Variants in TMEM178B observed in about 807,000 individuals in gnomAD.
TMEM178B encodes transmembrane protein 178B.
A neutral mutation model predicts 31.0 loss-of-function variants in TMEM178B; 5 were observed. The observed-to-expected ratio is 0.16, with a 90% confidence interval of 0.08 to 0.34. The LOEUF is 0.34. Ranked by LOEUF, TMEM178B falls within the 10% of genes least tolerant of loss-of-function variation. The pLI, the probability that TMEM178B is intolerant of heterozygous loss-of-function variation, is 1.00. For synonymous variants in TMEM178B, 164 were observed against 164.0 expected (o/e 1.00, Z 0.00); for missense variants, 275 against 400.3 (o/e 0.69, Z 2.67).
chr7:141,350,391 A>G (rs1346445862), intron 2 of TMEM178B, among the ~76,000 whole-genome samples: 1 of 152,118 alleles, frequency 6.6e-6, no homozygotes, highest in Non-Finnish European at 1.5e-5. Context: ...CCCCACTAGA[A>G]TGTAAGGTCT....
At position 141,376,439 on chromosome 7, in the gene TMEM178B, C is replaced by T. The variant is rs529819528; in HGVS notation, c.497-61169C>T. Among the ~76,000 whole-genome samples the T allele has an allele frequency of 2.0e-5, 3 of 152,332 alleles. No homozygotes were observed. In the East Asian group the frequency reaches 5.8e-4, roughly 29 times the overall value. On this transcript the variant is annotated intron_variant, in intron 2 of 3. Transcript: ENST00000565468. ...TAATATAGGAAAGAGACTGATATCA[C>T]TGTAATCCAGTAACCATAACATCGC...
chr7:141,415,665 GAAACTC>G (rs1801083518), intron 2 of TMEM178B, among the ~76,000 whole-genome samples: 1 of 152,204 alleles, frequency 6.6e-6, no homozygotes, highest in African/African-American at 2.4e-5. Context: ...AAAAAGGAAT[GAAACTC>G]AAAATGTCCC....
At chr7:141,078,062 G>A (rs557139795) in intron 1 of TMEM178B, among the ~76,000 whole-genome samples, 47 of 152,276 alleles carry the variant, frequency 3.1e-4, no homozygotes, top group African/African-American at 1.1e-3. Context: ...ATTCCCATTT[G>A]TTGGCATCCA....
Position 141,331,824 on chromosome 7 carries a change from A to G in TMEM178B, c.497-105784A>G, listed in dbSNP as rs7795806. The stretch of plus-strand genomic sequence containing the variant: ...GTGAGGGCTTTGGGCCAGTGATTGC[A>G]TGGCTCCAGGGCCAGGGGCAGACCT... On this transcript the variant is annotated intron_variant, in intron 2 of 3. Coordinates refer to ENST00000565468, the MANE Select transcript of TMEM178B (RefSeq NM_001195278.2). 1.9e-3 allele frequency among the ~76,000 whole-genome samples: 283 copies of G among 152,314 alleles called. 2 individuals carry two copies. The highest frequency in any genetic ancestry group is 6.5e-3 in the African/African-American group (269 of 41,560).
At chr7:141,490,166 G>A in the TMEM178B span, among the ~76,000 whole-genome samples, 713 of 152,326 alleles carry the variant, frequency 4.7e-3, 6 homozygotes, top group African/African-American at 0.014. Flanking sequence ...AGCTGTGGAA[G>A]CCTGGACTAA....
chr7:141,216,464 TGTGTGTGTGTGG>T (rs1797152495), intron 2 of TMEM178B, among the ~76,000 whole-genome samples: 9 of 89,948 alleles, frequency 1.0e-4, no homozygotes, highest in African/African-American at 1.4e-4. Flanking sequence ...CGCGCGCGCG[TGTGTGTGTGTGG>T]GTGTGTGGTG....
At chr7:141,429,815 T>C (rs1192838221) in intron 2 of TMEM178B, 1 of 152,214 alleles carries the variant, frequency 6.6e-6, no homozygotes, top group Non-Finnish European at 1.5e-5. Flanking sequence ...AAACATAAAA[T>C]GTTATCTGTC....
chr7:141,400,458 C>G (rs1468408643), intron 2 of TMEM178B, among the ~76,000 whole-genome samples: 3 of 152,158 alleles, frequency 2.0e-5, no homozygotes, highest in African/African-American at 4.8e-5. Context: ...TTCTGCCCTT[C>G]TTTTTCCAAG....
In TMEM178B at chr7:141,318,913, C is replaced by A. The variant is rs1294421808; in HGVS notation, c.496+106209C>A. On this transcript the variant is annotated intron_variant, in intron 2 of 3. Coordinates refer to ENST00000565468, the MANE Select transcript of TMEM178B (RefSeq NM_001195278.2). This position sits in a 1 kb window ranked among gnomAD's most constrained non-coding sequence, Gnocchi z 4.1. ...CAGAAATGCTTACCTTGGATCCAAGCTTGAATATGAGATATTTCTGCCAAA... is the reference window on the plus strand; with the variant it reads ...CAGAAATGCTTACCTTGGATCCAAGATTGAATATGAGATATTTCTGCCAAA... 6.6e-6 allele frequency among the ~76,000 whole-genome samples: 1 copy of A among 151,826 alleles called. No individual in the cohort carries two copies. The highest frequency in any genetic ancestry group is 2.4e-5 in the African/African-American group (1 of 41,262).
chr7:141,412,819 C>A (rs1801020532), intron 2 of TMEM178B, among the ~76,000 whole-genome samples: 1 of 152,112 alleles, frequency 6.6e-6, no homozygotes, highest in Non-Finnish European at 1.5e-5. Context: ...GCTATTAATC[C>A]CATTTTACAG....
intron 2 of TMEM178B, among the ~76,000 whole-genome samples, chr7:141,361,222 G>C (rs1356925952): frequency 2.6e-5 from 4 of 152,134 alleles, no homozygotes; most frequent in Non-Finnish European, 5.9e-5. Flanking sequence ...CTCCTTTACT[G>C]GAGTTGTATC....
rs1321883421 is a variant in TMEM178B at position 141,422,956 on chromosome 7, A to G, written c.497-14652A>G. ...TAGAACAGTGCTGTCCCATGGAAAT[A>G]TCGTGCAAACCGCATGTGTAACTTA... On this transcript the variant is annotated intron_variant, in intron 2 of 3. Transcript: ENST00000565468. This position sits in a 1 kb window ranked among gnomAD's most constrained non-coding sequence, Gnocchi z 4.2. Among the ~76,000 whole-genome samples the G allele has an allele frequency of 1.3e-5, 2 of 152,246 alleles. No homozygotes were observed. The highest frequency in any genetic ancestry group is 2.9e-5 in the Non-Finnish European group (2 of 68,048).
chr7:141,243,158 A>T (rs1797654897), intron 2 of TMEM178B, among the ~76,000 whole-genome samples: 1 of 151,948 alleles, frequency 6.6e-6, no homozygotes, highest in Non-Finnish European at 1.5e-5. Flanking sequence ...CCCTGGCTTG[A>T]TTGCCTTTTT....
rs1195082361 is a variant in TMEM178B at position 141,074,780 on chromosome 7, G to A, written c.382+88G>A. 29 of 1,426,494 alleles carry A rather than the reference G, an allele frequency of 2.0e-5. No individual in the cohort carries two copies. The highest frequency in any genetic ancestry group is 2.6e-5 in the Non-Finnish European group (28 of 1,092,266). 88.4% of individuals were successfully genotyped at this position (1,426,494 alleles called of 1,614,324 possible). ...CTCGCGTCTCCTTCCCAGGCCACAGGCTATCAGGTCTCTGGGTTCCAGGCG... is the reference window on the plus strand; with the variant it reads ...CTCGCGTCTCCTTCCCAGGCCACAGACTATCAGGTCTCTGGGTTCCAGGCG... On this transcript the variant is annotated intron_variant, in intron 1 of 3. Transcript: ENST00000565468. This position sits in a 1 kb window ranked among gnomAD's most constrained non-coding sequence, Gnocchi z 5.1.
At chr7:141,353,486 C>T (rs1586909074) in intron 2 of TMEM178B, among the ~76,000 whole-genome samples, 1 of 152,170 alleles carries the variant, frequency 6.6e-6, no homozygotes, top group Admixed American at 6.5e-5. Context: ...AGATGTTGTT[C>T]CTTTTGACAA....
Position 141,409,280 on chromosome 7 carries a change from T to C in TMEM178B, c.497-28328T>C, listed in dbSNP as rs188800761. Among the ~76,000 whole-genome samples, 420 of 152,284 alleles carry C rather than the reference T, an allele frequency of 2.8e-3. 3 individuals carry two copies. The highest frequency in any genetic ancestry group is 9.7e-3 in the African/African-American group (403 of 41,558). On this transcript the variant is annotated intron_variant, in intron 2 of 3. Coordinates refer to ENST00000565468, the MANE Select transcript of TMEM178B (RefSeq NM_001195278.2). ...GCTGGCAAGAGGAGAGAAGAAAAAC[T>C]GTTCCCAGATGCATTTTATTTGGGA...
Position 141,458,357 on chromosome 7 carries a change from A to G in TMEM178B, c.635-12179A>G, listed in dbSNP as rs542362518. ...GCTTCTTCACAGACCCACCAATGTC[A>G]TCATGTACCCCCACTGGAGGCTGTA... On this transcript the variant is annotated intron_variant, in intron 3 of 3. Transcript: ENST00000565468. 2.0e-5 allele frequency among the ~76,000 whole-genome samples: 3 copies of G among 152,292 alleles called. No individual in the cohort carries two copies. In the East Asian group the frequency reaches 5.8e-4, roughly 29 times the overall value.
chr7:141,285,335 T>C (rs1410489661), intron 2 of TMEM178B, among the ~76,000 whole-genome samples: 1 of 151,392 alleles, frequency 6.6e-6, no homozygotes, highest in African/African-American at 2.4e-5. Flanking sequence ...GTATTTTTTT[T>C]TTTTAGTGGA....
At chr7:141,368,357 T>A (rs1800049325) in intron 2 of TMEM178B, among the ~76,000 whole-genome samples, 1 of 152,224 alleles carries the variant, frequency 6.6e-6, no homozygotes, top group Non-Finnish European at 1.5e-5. Flanking sequence ...TAGTCACTCT[T>A]CTGAACTGAT....
Sources: allele counts gnomAD v4.1 joint callset (sites outside exome capture counted in the v4.1 genomes callset), GRCh38; gene constraint gnomAD v4.1.1; non-coding constraint Gnocchi (gnomAD v3.1); transcripts MANE v1.5; gene names NCBI Gene and HGNC (gene_info 2026-07-23, HGNC 2026-07-21).